Variants in DDX60 observed in about 807,000 individuals in gnomAD.
The protein encoded by DDX60 is probable ATP-dependent RNA helicase DDX60.
A neutral mutation model predicts 212.8 loss-of-function variants in DDX60; 165 were observed. The observed-to-expected ratio is 0.78, with a 90% CI of 0.68 to 0.88. The LOEUF (loss-of-function observed/expected upper bound fraction) is 0.88, where lower values mean the gene tolerates loss of function less well. DDX60 is among the 40% of genes least tolerant of loss of function. The probability of loss-of-function intolerance (pLI) is 0.00; values close to 1 mark genes in which losing one functional copy is unlikely to be tolerated. For synonymous variants in DDX60, 703 were observed against 685.3 expected (o/e 1.03, Z -0.40); for missense variants, 1,905 against 2,003.9 (o/e 0.95, Z 0.94).
At chr4:168,282,080 A>G (rs911612563) in intron 13 of DDX60, among the ~76,000 whole-genome samples, 1 of 152,238 alleles carries the variant, frequency 6.6e-6, no homozygotes, top group African/African-American at 2.4e-5. Context: ...TGTTTAATTA[A>G]GTAGTCTCAC....
intron 33 of DDX60, among the ~76,000 whole-genome samples, chr4:168,227,527 T>G (rs1162613343): frequency 6.6e-6 from 1 of 152,136 alleles, no homozygotes; most frequent in Non-Finnish European, 1.5e-5. Context: ...GCTTTGTTGA[T>G]TTCTTGTTCA....
intron 4 of DDX60, among the ~76,000 whole-genome samples, chr4:168,307,594 C>T (rs1372933856): frequency 6.6e-6 from 1 of 152,092 alleles, no homozygotes; most frequent in East Asian, 1.9e-4. Flanking sequence ...CAGGCATGCA[C>T]CACCGTGCCC....
At position 168,297,925 on chromosome 4, in the gene DDX60, AATG is replaced by A. The variant is rs942246967; in HGVS notation, c.724-3983_724-3981del. On this transcript the variant is annotated intron_variant, in intron 6 of 37. Transcript: ENST00000393743. ...TAATAAATAATAAAATAATAGTAATAATGATAATTTAATAATAAAATTAATATT... is the reference window on the plus strand; with the variant it reads ...TAATAAATAATAAAATAATAGTAATAATAATTTAATAATAAAATTAATATT... Among the ~76,000 whole-genome samples, 46 of 151,258 alleles carry A rather than the reference AATG, an allele frequency of 3.0e-4. No homozygotes were observed. The East Asian group carries it at 7.1e-3, about 23-fold the overall frequency.
At chr4:168,286,967 G>T in intron 10 of DDX60, 81 bp downstream of exon 10, 1 of 1,037,690 alleles carries the variant, frequency 9.6e-7, no homozygotes, top group Non-Finnish European at 1.4e-6. Context: ...ATTTATACTT[G>T]CAGCACTGAA....
chr4:168,304,561 C>T (rs1278524704), intron 5 of DDX60, among the ~76,000 whole-genome samples: 1 of 151,940 alleles, frequency 6.6e-6, no homozygotes, highest in African/African-American at 2.4e-5. Context: ...ATTAGCTAGG[C>T]ATGGTGGTGC....
chr4:168,221,785 A>G lies in DDX60; in HGVS notation c.4921T>C (p.Tyr1641His). 1.9e-6 allele frequency: 3 copies of G among 1,613,350 alleles called. No homozygotes were observed. The highest frequency in any genetic ancestry group is 2.5e-6 in the Non-Finnish European group (3 of 1,179,510). Residue 1641 changes from tyrosine to histidine, a missense_variant, in exon 36 of 38, where the codon TAT (tyrosine) becomes CAT (histidine). Transcript: ENST00000393743. ...NRGRKMSLNAYALDFYKHGSL... is the reference protein window; with the variant it reads ...NRGRKMSLNAHALDFYKHGSL... Reference sequence around the variant, plus strand: ...CCATGTTTGTAGAAATCCAGTGCATAGGCATTAAGCGACATTTTCCTTCCT... The same window carrying G: ...CCATGTTTGTAGAAATCCAGTGCATGGGCATTAAGCGACATTTTCCTTCCT...
intron 26 of DDX60, among the ~76,000 whole-genome samples, chr4:168,254,312 A>G (rs1029039370): frequency 1.2e-4 from 19 of 152,134 alleles, no homozygotes; most frequent in African/African-American, 3.6e-4. Context: ...CTTTATTTTT[A>G]TAACTTGAAG....
At chr4:168,225,488 A>G in intron 34 of DDX60, 41 bp downstream of exon 34, 2 of 1,543,636 alleles carry the variant, frequency 1.3e-6, no homozygotes, top group Non-Finnish European at 1.8e-6. Flanking sequence ...AAGATTATTT[A>G]TTCTTCAAAT....
In DDX60 at chr4:168,308,209, C is replaced by T. The variant is rs773823859; in HGVS notation, c.75-14G>A. On this transcript the variant is annotated splice_polypyrimidine_tract_variant and intron_variant, in intron 3 of 37. Coordinates refer to ENST00000393743, the MANE Select transcript of DDX60 (RefSeq NM_017631.6). Reference sequence around the variant, plus strand: ...AAACTGGAATATCTAAAATGAAAAACAGTTAAAACAAAAATCACATATGCA... The same window carrying T: ...AAACTGGAATATCTAAAATGAAAAATAGTTAAAACAAAAATCACATATGCA... 3 of 1,459,776 alleles carry T rather than the reference C, an allele frequency of 2.1e-6. No individual in the cohort carries two copies. The highest frequency in any genetic ancestry group is 2.5e-5 in the South Asian group (2 of 80,542). 90.4% of individuals were successfully genotyped at this position (1,459,776 alleles called of 1,614,324 possible).
At position 168,280,460 on chromosome 4, in the gene DDX60, GA is replaced by G; in HGVS notation, c.1852del (p.Ser618LeufsTer3). On this transcript the variant is annotated frameshift_variant, in exon 14 of 38. Coordinates refer to ENST00000393743, the MANE Select transcript of DDX60 (RefSeq NM_017631.6). LOFTEE classifies it high-confidence loss of function. ...AAAATCTTCCAGGCTCTTTATTCCA[GA>G]GTGTAAATTTTCTTTCAATTGCTCT... The part of the protein sequence containing the change: ...IEEQLKENLH[S>X]GIKSLEDFLK... 1 of 1,614,126 alleles carries G rather than the reference GA, an allele frequency of 6.2e-7. No homozygotes were observed. Among genetic ancestry groups the G allele is most frequent in the Non-Finnish European group, 8.5e-7 (1 of 1,180,020 alleles).
rs917691803 is a variant in DDX60, at chr4:168,217,441, T to C, written c.5040-409A>G. 2.0e-5 allele frequency among the ~76,000 whole-genome samples: 3 copies of C among 152,294 alleles called. No individual in the cohort carries two copies. In the South Asian group the frequency reaches 6.2e-4, roughly 32 times the overall value. On this transcript the variant is annotated intron_variant, in intron 37 of 37. Transcript: ENST00000393743. ...AGCTACATCTACGAAGAGGAAAATA[T>C]TGCTTTCTTTACCTAGATGTGTAAA...
rs187969405 is a variant in DDX60, at chr4:168,239,247, G to A, written c.4165-1452C>T. On this transcript the variant is annotated intron_variant, in intron 30 of 37. Coordinates refer to ENST00000393743, the MANE Select transcript of DDX60 (RefSeq NM_017631.6). ...TATAAAAACATGATAGAGATAGGAA[G>A]ATAGAAAGATAGATGATAGGTAGAT... Among the ~76,000 whole-genome samples the A allele has an allele frequency of 1.2e-4, 19 of 152,202 alleles. No individual in the cohort carries two copies. In the East Asian group the frequency reaches 3.7e-3, roughly 29 times the overall value.
intron 34 of DDX60, 83 bp downstream of exon 34, chr4:168,225,446 C>A: frequency 7.4e-7 from 1 of 1,357,028 alleles, no homozygotes; most frequent in Non-Finnish European, 1.0e-6. Context: ...TCTGGGGTTC[C>A]ACTCTTCTTC....
rs976692424 is a variant in DDX60, at chr4:168,291,843, C to T, written c.946G>A (p.Val316Met). The T allele has an allele frequency of 1.9e-6, 3 of 1,613,640 alleles. No homozygotes were observed. The highest frequency in any genetic ancestry group is 1.1e-5 in the South Asian group (1 of 91,056). The change falls in exon 8 of 38, where the codon GTG becomes ATG. Residue 316 changes from valine (V) to methionine (M), a missense_variant. Transcript: ENST00000393743. Reference sequence around the variant, plus strand: ...AGAGGCAGATGGAGTAGAAAAACCACAGTGAGACAATGCAGTTTACACAAA... The same window carrying T: ...AGAGGCAGATGGAGTAGAAAAACCATAGTGAGACAATGCAGTTTACACAAA... ...EDLCKLHCLT[V>M]VFLLHLPLSQ... is the part of the protein sequence containing the mutation.
chr4:168,227,403 T>C (rs1255248362), intron 33 of DDX60, among the ~76,000 whole-genome samples: 1 of 152,066 alleles, frequency 6.6e-6, no homozygotes, highest in East Asian at 1.9e-4. Flanking sequence ...AAATAGAGCC[T>C]GTAGTACTGC....
At position 168,292,046 on chromosome 4, in the gene DDX60, TTTC is replaced by T. The variant is rs1316513482; in HGVS notation, c.883-143_883-141del. The T allele has an allele frequency of 7.2e-3, 3,091 of 428,246 alleles. 62 individuals are homozygous for T. The African/African-American group carries it at 0.077, about 11-fold the overall frequency. 26.5% of individuals were successfully genotyped at this position (428,246 alleles called of 1,614,324 possible). On this transcript the variant is annotated intron_variant, in intron 7 of 37. Transcript: ENST00000393743. ...ATTCCTTTCTTTCTTTCTTTCTTTC[TTTC>T]TTTTTTTTTTTTTTTTTGAGACAGA... is the stretch of plus-strand genomic sequence containing the variant.
intron 33 of DDX60, 174 bp downstream of exon 33, chr4:168,236,078 G>C: frequency 3.9e-6 from 2 of 508,240 alleles, no homozygotes; most frequent in Non-Finnish European, 6.5e-6. Context: ...TAGATTTACA[G>C]AGGGAGACAT....
Position 168,267,908 on chromosome 4 carries a change from A to G in DDX60, c.2862T>C (p.His954=), listed in dbSNP as rs778243712. The G allele has an allele frequency of 2.0e-5, 33 of 1,613,402 alleles. No individual in the cohort carries two copies. The highest frequency in any genetic ancestry group is 2.7e-5 in the African/African-American group (2 of 74,898). ...IIENNTASKR[H]VGRQAGFPKD... The stretch of plus-strand genomic sequence containing the variant: ...TGGGAAAGCCGGCCTGACGACCCAC[A>G]TGTCTTTTAGAAGCGGTATTATTTT... Residue 954 remains histidine (H), a synonymous_variant, in exon 21 of 38, where the codon CAT becomes CAC. Transcript: ENST00000393743.
chr4:168,309,942 G>A (rs548200520), intron 3 of DDX60, among the ~76,000 whole-genome samples: 3 of 152,254 alleles, frequency 2.0e-5, no homozygotes, highest in Admixed American at 6.5e-5. Context: ...CTTCAGGCCT[G>A]TCTTTATCTG....
Sources: allele counts gnomAD v4.1 joint callset (sites outside exome capture counted in the v4.1 genomes callset), GRCh38; gene constraint gnomAD v4.1.1; transcripts MANE v1.5; gene names NCBI Gene and HGNC (gene_info 2026-07-23, HGNC 2026-07-21).